Variants in CPLX4 observed in about 807,000 individuals in gnomAD.
The protein encoded by CPLX4 is complexin-4.
Under a neutral mutation model 16.1 loss-of-function variants are expected in CPLX4, and 17 were observed. The observed-to-expected ratio is 1.06, with a 90% CI of 0.72 to 1.59. The LOEUF (loss-of-function observed/expected upper bound fraction) is 1.59, where lower values mean the gene tolerates loss of function less well. Among genes scored for constraint, CPLX4 ranks in the 40% most tolerant of loss-of-function variants. The pLI is 0.00. For missense variants in CPLX4, 193 were observed against 192.9 expected (o/e 1.00, Z 0.00); for synonymous variants, 55 against 57.8 (o/e 0.95, Z 0.22).
intron 2 of CPLX4, among the ~76,000 whole-genome samples, chr18:59,309,572 C>T (rs2070601261): frequency 6.6e-6 from 1 of 151,920 alleles, no homozygotes; most frequent in East Asian, 1.9e-4. Context: ...GCCTATAATC[C>T]CAGCACTTAG....
At chr18:59,318,212 A>G in intron 1 of CPLX4, 84 bp downstream of exon 1, 2 of 1,459,058 alleles carry the variant, frequency 1.4e-6, no homozygotes, top group East Asian at 4.6e-5. Flanking sequence ...AAAAGCAAAG[A>G]GAAATAAACT....
chr18:59,310,697 C>T (rs2070610708), intron 2 of CPLX4, among the ~76,000 whole-genome samples: 1 of 152,136 alleles, frequency 6.6e-6, no homozygotes, highest in South Asian at 2.1e-4. Flanking sequence ...TACATTATCT[C>T]AGACAAAGAT....
chr18:59,298,888 T>G (rs962014998), intron 2 of CPLX4, among the ~76,000 whole-genome samples: 9 of 152,114 alleles, frequency 5.9e-5, no homozygotes, highest in African/African-American at 4.8e-5. Flanking sequence ...CTGGGCAGAG[T>G]GACACAGGAG....
intron 1 of CPLX4, among the ~76,000 whole-genome samples, chr18:59,315,093 G>A (rs1326248993): frequency 1.1e-4 from 16 of 152,202 alleles, no homozygotes; most frequent in Non-Finnish European, 4.4e-5. Context: ...ATAAGAAACA[G>A]CACGACCTTT....
rs1042977488 is a variant in CPLX4 at position 59,296,327 on chromosome 18, C to T, written c.*371G>A. 1 of 277,960 alleles carries T rather than the reference C, an allele frequency of 3.6e-6. No individual in the cohort carries two copies. Among genetic ancestry groups the T allele is most frequent in the Non-Finnish European group, 6.8e-6 (1 of 147,498 alleles). The allele number at this position is 277,960 out of a possible 1,614,324, so 17.2% of individuals were successfully genotyped here. A position where few individuals can be genotyped will look rare whatever the true frequency, so the allele number is the denominator to read the frequency against. Reference sequence around the variant, plus strand: ...CTCTCTGAAGGGACCTGGTGTCCTGCGAATAGTTGGACAGGGTGAGAACTT... The same window carrying T: ...CTCTCTGAAGGGACCTGGTGTCCTGTGAATAGTTGGACAGGGTGAGAACTT... On this transcript the variant is annotated 3_prime_UTR_variant, in exon 3 of 3. Transcript: ENST00000299721.
At chr18:59,309,155 G>A (rs2070598688) in intron 2 of CPLX4, among the ~76,000 whole-genome samples, 1 of 152,166 alleles carries the variant, frequency 6.6e-6, no homozygotes, top group Non-Finnish European at 1.5e-5. Context: ...CTAGCTACAC[G>A]GGATTAGAAT....
chr18:59,298,009 G>A (rs965530601), intron 2 of CPLX4, among the ~76,000 whole-genome samples: 8 of 152,120 alleles, frequency 5.3e-5, no homozygotes, highest in African/African-American at 1.9e-4. Context: ...TGTCACAAGC[G>A]CCTTGCACAT....
intron 1 of CPLX4, among the ~76,000 whole-genome samples, chr18:59,317,817 TG>T (rs1408054880): frequency 1.4e-5 from 2 of 145,670 alleles, no homozygotes; most frequent in African/African-American, 2.7e-5. Context: ...TTATGCTTCC[TG>T]GGTTTTTTTT....
At chr18:59,312,457 T>C (rs2070623450) in intron 2 of CPLX4, among the ~76,000 whole-genome samples, 1 of 148,110 alleles carries the variant, frequency 6.8e-6, no homozygotes, top group Non-Finnish European at 1.5e-5. Flanking sequence ...TATATATATC[T>C]CCTGAATATA....
chr18:59,298,722 C>G (rs1468299097), intron 2 of CPLX4, among the ~76,000 whole-genome samples: 2 of 152,122 alleles, frequency 1.3e-5, no homozygotes, highest in African/African-American at 2.4e-5. Context: ...AACAGCACAC[C>G]AGGTAACCTG....
intron 2 of CPLX4, among the ~76,000 whole-genome samples, chr18:59,309,246 C>T (rs559586256): frequency 4.4e-4 from 67 of 152,240 alleles, no homozygotes; most frequent in Admixed American, 6.5e-4. Flanking sequence ...GGTTTTGAAA[C>T]ATTGTGTGTA....
chr18:59,318,584 A>T lies in CPLX4; in HGVS notation c.-122T>A. 2 of 1,437,124 alleles carry T rather than the reference A, an allele frequency of 1.4e-6. No homozygotes were observed. Among genetic ancestry groups the T allele is most frequent in the Middle Eastern group, 5.0e-4 (2 of 3,990 alleles). 89.0% of individuals were successfully genotyped at this position (1,437,124 alleles called of 1,614,324 possible). A position where few individuals can be genotyped will look rare whatever the true frequency, so the allele number is the denominator to read the frequency against. ...ACAGCAATACATTTAAGAGCAAAGG[A>T]CTTTGCACAACCTCATCTATTCAAG... On this transcript the variant is annotated 5_prime_UTR_variant, in exon 1 of 3. Coordinates refer to ENST00000299721, the MANE Select transcript of CPLX4 (RefSeq NM_181654.4).
At chr18:59,298,624 G>T (rs2070519294) in intron 2 of CPLX4, among the ~76,000 whole-genome samples, 1 of 149,530 alleles carries the variant, frequency 6.7e-6, no homozygotes, top group Non-Finnish European at 1.5e-5. Flanking sequence ...TGGAGTTAAA[G>T]ACAGCACCTA....
intron 1 of CPLX4, among the ~76,000 whole-genome samples, chr18:59,317,045 C>T (rs994310555): frequency 1.3e-5 from 2 of 152,136 alleles, no homozygotes; most frequent in Admixed American, 1.3e-4. Flanking sequence ...GTTGCATTGA[C>T]TGTTTTTTAA....
At chr18:59,313,931 G>A (rs2070635149) in intron 1 of CPLX4, among the ~76,000 whole-genome samples, 1 of 152,200 alleles carries the variant, frequency 6.6e-6, no homozygotes, top group Non-Finnish European at 1.5e-5. Context: ...AGCATTATCT[G>A]CTTAAAACAA....
rs1376174116 is a variant in CPLX4, at chr18:59,318,507, G to T, written c.-45C>A. 2 of 1,479,348 alleles carry T rather than the reference G, an allele frequency of 1.4e-6. No homozygotes were observed. Among genetic ancestry groups the T allele is most frequent in the African/African-American group, 1.4e-5 (1 of 69,664 alleles). The allele number at this position is 1,479,348 out of a possible 1,614,324, so 91.6% of individuals were successfully genotyped here. A position where few individuals can be genotyped will look rare whatever the true frequency, so the allele number is the denominator to read the frequency against. The stretch of plus-strand genomic sequence containing the variant: ...TAAAACCAAAATTCAGACAAAAGCT[G>T]AAAAAAAAAATCCAAACAAACCCAA... On this transcript the variant is annotated 5_prime_UTR_variant, in exon 1 of 3. Coordinates refer to ENST00000299721, the MANE Select transcript of CPLX4 (RefSeq NM_181654.4).
intron 1 of CPLX4, 25 bp from the exon 2 acceptor site, chr18:59,312,797 A>C (rs760010133): frequency 3.1e-6 from 3 of 977,408 alleles, no homozygotes; most frequent in Non-Finnish European, 5.0e-6. Flanking sequence ...ATAAAGGATC[A>C]GAAGGATACA....
At chr18:59,314,789 C>T (rs2070641572) in intron 1 of CPLX4, among the ~76,000 whole-genome samples, 1 of 152,072 alleles carries the variant, frequency 6.6e-6, no homozygotes, top group Admixed American at 6.5e-5. Context: ...TTTCACTCAG[C>T]ATAAAATACT....
chr18:59,309,545 C>T (rs572540697), intron 2 of CPLX4, among the ~76,000 whole-genome samples: 137 of 152,192 alleles, frequency 9.0e-4, no homozygotes, highest in Non-Finnish European at 1.6e-3. Context: ...AGAAAGAGGC[C>T]GGGCGCAGTG....
Sources: gnomAD v4.1 joint callset for allele counts (sites outside exome capture counted in the v4.1 genomes callset) on GRCh38, gnomAD v4.1.1 for gene constraint, MANE v1.5 for transcripts, NCBI Gene and HGNC (gene_info 2026-07-23, HGNC 2026-07-21) for gene names.